The following ANO2 variants were observed in gnomAD, a reference collection of about 807,000 sequenced individuals.
ANO2 encodes the protein anoctamin 2.
ANO2 carries 101 observed loss-of-function variants against 124.2 expected under a neutral mutation model. That is an observed-to-expected ratio of 0.81 (90% CI 0.69 to 0.96). The LOEUF is 0.96. Among genes scored for constraint, ANO2 ranks in the 40% least tolerant of loss-of-function variants. The pLI is 0.00. For synonymous variants in ANO2, 486 were observed against 482.5 expected, an observed-to-expected ratio of 1.01 and a Z score of -0.09; for missense variants, 1,293 against 1,274.5, an observed-to-expected ratio of 1.01 and a Z score of -0.22.
chr12:5,634,667 T>TG (rs1319626868), intron 16 of ANO2, among the ~76,000 whole-genome samples: 2 of 152,178 alleles, frequency 1.3e-5, no homozygotes, highest in Non-Finnish European at 2.9e-5. Context: ...ACTCAGTGCC[T>TG]GGGGAATGTG....
At position 5,563,223 on chromosome 12, in the gene ANO2, T is replaced by C. The variant is rs1366234103; in HGVS notation, c.*76A>G. On this transcript the variant is annotated 3_prime_UTR_variant, in exon 25 of 25. Coordinates refer to ENST00000682330, the MANE Select transcript of ANO2 (RefSeq NM_001364791.2). ...GCCCCTGCAGACAGACAGCACGCCA[T>C]GTGGGTGTAGGAACATGCTTACGTG... 1.2e-5 allele frequency: 18 copies of C among 1,495,302 alleles called. No individual in the cohort carries two copies. The highest frequency in any genetic ancestry group is 1.6e-5 in the Non-Finnish European group (18 of 1,120,014). 92.6% of individuals were successfully genotyped at this position (1,495,302 alleles called of 1,614,324 possible).
intron 3 of ANO2, among the ~76,000 whole-genome samples, chr12:5,880,716 G>C (rs1407967823): frequency 6.6e-6 from 1 of 152,080 alleles, no homozygotes; most frequent in Non-Finnish European, 1.5e-5. Context: ...AGCAGATTAG[G>C]AGTGTTCCTA....
chr12:5,752,029 C>T (rs1003412831), intron 10 of ANO2, among the ~76,000 whole-genome samples: 5 of 152,160 alleles, frequency 3.3e-5, no homozygotes, highest in Non-Finnish European at 5.9e-5. Context: ...CCTCCAGGTC[C>T]ATCCATGTTG....
chr12:5,827,776 G>A lies in ANO2; in HGVS notation c.885C>T (p.Asn295=), dbSNP rs1441613924. 1 of 1,611,406 alleles carries A rather than the reference G, an allele frequency of 6.2e-7. No individual in the cohort carries two copies. Among genetic ancestry groups the A allele is most frequent in the East Asian group, 2.2e-5 (1 of 44,810 alleles). ...LKRTACSRAN[N]TMGINSLIAN... ...GCGGGCTGGGGTCCTTACCCATCGT[G>A]TTGTTGGCTCGGGAGCAGGCTGTGC... The change falls in exon 7 of 25, where the codon AAC becomes AAT. Residue 295 remains asparagine, a synonymous_variant. Transcript: ENST00000682330.
intron 12 of ANO2, among the ~76,000 whole-genome samples, chr12:5,743,470 G>GGTGTGT (rs1304039798): frequency 1.3e-5 from 1 of 76,004 alleles, no homozygotes; most frequent in Non-Finnish European, 3.1e-5. Flanking sequence ...TGTGAGAATA[G>GGTGTGT]GCGTGTGTGT....
At chr12:5,640,247 G>A (rs1309710088) in intron 15 of ANO2, among the ~76,000 whole-genome samples, 2 of 152,152 alleles carry the variant, frequency 1.3e-5, no homozygotes, top group Non-Finnish European at 2.9e-5. Flanking sequence ...GGCATCTTCT[G>A]CCTAGGTTCA....
Position 5,799,499 on chromosome 12 carries a change from C to T in ANO2, c.1055+8G>A. The T allele has an allele frequency of 1.2e-6, 2 of 1,613,144 alleles. No individual in the cohort carries two copies. Among genetic ancestry groups the T allele is most frequent in the African/African-American group, 1.3e-5 (1 of 75,062 alleles). On this transcript the variant is annotated splice_region_variant and intron_variant, in intron 10 of 24. Transcript: ENST00000682330. ...GGATACTTCCAAAAGTTCCCTACCA[C>T]CTCTTACCTGATGAGGTCAATAGGT... is the stretch of plus-strand genomic sequence containing the variant.
At chr12:5,626,675 T>C (rs1273499486) in intron 16 of ANO2, among the ~76,000 whole-genome samples, 1 of 152,142 alleles carries the variant, frequency 6.6e-6, no homozygotes, top group Non-Finnish European at 1.5e-5. Context: ...ATGAAGCCCT[T>C]ACTCACAGCA....
chr12:5,691,454 G>A (rs886335345), intron 14 of ANO2, among the ~76,000 whole-genome samples: 1 of 152,140 alleles, frequency 6.6e-6, no homozygotes, highest in Non-Finnish European at 1.5e-5. Context: ...CAGGAAGACA[G>A]ATCACTGCAG....
intron 7 of ANO2, among the ~76,000 whole-genome samples, chr12:5,816,041 T>C (rs1156265815): frequency 6.6e-6 from 1 of 152,072 alleles, no homozygotes; most frequent in African/African-American, 2.4e-5. Context: ...ATTAGCTTTG[T>C]AAGTTGGTTG....
At chr12:5,783,700 C>T (rs982321257) in intron 10 of ANO2, among the ~76,000 whole-genome samples, 2 of 152,208 alleles carry the variant, frequency 1.3e-5, no homozygotes, top group African/African-American at 2.4e-5. Flanking sequence ...ACTCAGAAGG[C>T]CCAGCTCTGG....
At chr12:5,708,189 G>A (rs972545037) in intron 14 of ANO2, among the ~76,000 whole-genome samples, 15 of 151,196 alleles carry the variant, frequency 9.9e-5, no homozygotes, top group Non-Finnish European at 1.9e-4. Context: ...ATCTTCAGTC[G>A]TATCTACACC....
chr12:5,661,544 C>T (rs1261127344), intron 14 of ANO2, among the ~76,000 whole-genome samples: 2 of 152,066 alleles, frequency 1.3e-5, no homozygotes, highest in Non-Finnish European at 2.9e-5. Context: ...AGGCCTTCAG[C>T]CCAGGAGGAT....
intron 13 of ANO2, 75 bp from the exon 14 acceptor site, chr12:5,732,705 A>G (rs1018515045): frequency 2.2e-5 from 34 of 1,532,776 alleles, no homozygotes; most frequent in African/African-American, 1.4e-4. Context: ...AACCAGACAC[A>G]TGTACATTAA....
Position 5,576,009 on chromosome 12 carries a change from C to G in ANO2, c.2446G>C (p.Val816Leu). Residue 816 changes from valine to leucine, a missense_variant, in exon 23 of 25, where the codon GTC becomes CTC. By Grantham distance (32) the Val-to-Leu change is conservative. Coordinates refer to ENST00000682330, the MANE Select transcript of ANO2 (RefSeq NM_001364791.2). Reference protein sequence around the residue: ...GKFSVISNAFVIAITSDFIPR... With the variant: ...GKFSVISNAFLIAITSDFIPR... ...ATAAAGTCGGAGGTGATCGCAATGA[C>G]AAAAGCCTGAGGGACAGAACCATAA... is the stretch of plus-strand genomic sequence containing the variant. The G allele has an allele frequency of 6.2e-7, 1 of 1,604,384 alleles. No individual in the cohort carries two copies. Among genetic ancestry groups the G allele is most frequent in the Non-Finnish European group, 8.5e-7 (1 of 1,175,078 alleles).
At chr12:5,934,440 G>T (rs1321383523) in intron 1 of ANO2, among the ~76,000 whole-genome samples, 1 of 152,176 alleles carries the variant, frequency 6.6e-6, no homozygotes, top group East Asian at 1.9e-4. Flanking sequence ...AAGACCAAGA[G>T]AATAAGAATA....
At chr12:5,704,212 G>C (rs1450953825) in intron 14 of ANO2, among the ~76,000 whole-genome samples, 1 of 152,096 alleles carries the variant, frequency 6.6e-6, no homozygotes. Flanking sequence ...TTAGCTACTT[G>C]ACAAAATGGA....
At chr12:5,830,361 G>C in intron 6 of ANO2, 74 bp downstream of exon 6, 1 of 1,475,200 alleles carries the variant, frequency 6.8e-7, no homozygotes, top group Non-Finnish European at 9.3e-7. Context: ...GGGAGGGTAA[G>C]AGAATGCCCT....
At chr12:5,573,621 GC>G (rs3837486) in intron 23 of ANO2, among the ~76,000 whole-genome samples, 33,264 of 152,166 alleles carry the variant, frequency 0.22, 4,194 homozygotes, top group Admixed American at 0.33. Context: ...ATGCAGAGGG[GC>G]CCCCAGGCAG....
Sources: allele counts gnomAD v4.1 joint callset (sites outside exome capture counted in the v4.1 genomes callset), GRCh38; gene constraint gnomAD v4.1.1; transcripts MANE v1.5; gene names NCBI Gene and HGNC (gene_info 2026-07-23, HGNC 2026-07-21).